ADAMTS10: variants seen among roughly 807,000 people sequenced by gnomAD.
ADAMTS10 encodes the protein A disintegrin and metalloproteinase with thrombospondin motifs 10.
A neutral mutation model predicts 135.9 loss-of-function variants in ADAMTS10; 48 were observed. The ratio of observed to expected loss-of-function variants is 0.35; its 90% CI spans 0.28 to 0.45. The LOEUF is 0.45. Among genes scored for constraint, ADAMTS10 ranks in the 20% least tolerant of loss-of-function variants. The pLI, the probability that ADAMTS10 is intolerant of heterozygous loss-of-function variation, is 1.00. For synonymous variants in ADAMTS10, 621 were observed against 647.5 expected, an observed-to-expected ratio of 0.96 and a Z score of 0.62; for missense variants, 1,131 against 1,565.2, an observed-to-expected ratio of 0.72 and a Z score of 4.68.
At chr19:8,595,302 G>A (rs1444305821) in intron 12 of ADAMTS10, among the ~76,000 whole-genome samples, 6 of 152,154 alleles carry the variant, frequency 3.9e-5, no homozygotes, top group African/African-American at 1.4e-4. Context: ...GGAGAGGTCA[G>A]GAGGCTCAGA....
intron 25 of ADAMTS10, chr19:8,582,668 ATT>A (rs5827005): frequency 0.036 from 5,174 of 142,594 alleles, 253 homozygotes; most frequent in African/African-American, 0.11. Flanking sequence ...CTACAGATGG[ATT>A]TTTTTTTTTT....
chr19:8,587,478 T>C (rs2042453659), intron 18 of ADAMTS10, among the ~76,000 whole-genome samples: 1 of 149,596 alleles, frequency 6.7e-6, no homozygotes, highest in South Asian at 2.1e-4. Context: ...CAGCTTTTTT[T>C]TTTTTTCAGA....
rs782504666 is a variant in ADAMTS10, at chr19:8,589,985, G to A, written c.1804C>T (p.Pro602Ser). ...TCTCTGAAGTCCTGGGAGCCAGGGGGACAGTCCTGGGGGCAGGAGAGGAGA... is the reference window on the plus strand; with the variant it reads ...TCTCTGAAGTCCTGGGAGCCAGGGGAACAGTCCTGGGGGCAGGAGAGGAGA... ...RHRSCNTDDCPPGSQDFREVQ... is the reference protein window; with the variant it reads ...RHRSCNTDDCSPGSQDFREVQ... The change falls in exon 16 of 26, where the codon CCC (proline) becomes TCC (serine). Residue 602 changes from proline (P) to serine (S), a missense_variant. Transcript: ENST00000597188. 3.1e-6 allele frequency: 5 copies of A among 1,612,800 alleles called. No homozygotes were observed. In the Admixed American group the frequency reaches 6.7e-5, roughly 22 times the overall value.
At chr19:8,582,930 G>A (rs1035602786) in intron 25 of ADAMTS10, among the ~76,000 whole-genome samples, 5 of 152,076 alleles carry the variant, frequency 3.3e-5, no homozygotes, top group South Asian at 4.1e-4. Flanking sequence ...GATTACAGGC[G>A]TGAGCCACCA....
chr19:8,589,289 G>A lies in ADAMTS10; in HGVS notation c.2111C>T (p.Ala704Val), dbSNP rs2042484867. Residue 704 changes from alanine (A) to valine (V), a missense_variant, in exon 18 of 26, where the codon GCC (alanine) becomes GTC (valine). By Grantham distance (64) the Ala-to-Val change is moderately conservative (BLOSUM62 0). This residue lies in a region of ADAMTS10 where 745 missense variants were observed against 1,056.3 expected (regional missense o/e 0.71). Coordinates refer to ENST00000597188, the MANE Select transcript of ADAMTS10 (RefSeq NM_030957.4). ...GAAGACGCCCTCGATGGTCTCGCAG[G>A]CACTGCCGTCACCGCCACACACTCG... ...KCRVCGGDGS[A>V]CETIEGVFSP... The A allele has an allele frequency of 3.7e-6, 6 of 1,612,476 alleles. No individual in the cohort carries two copies. Among genetic ancestry groups the A allele is most frequent in the Non-Finnish European group, 5.1e-6 (6 of 1,179,920 alleles).
At chr19:8,581,135 T>A (rs1555735728) in intron 25 of ADAMTS10, 133 bp from the exon 26 acceptor site, 3 of 145,608 alleles carry the variant, frequency 2.1e-5, no homozygotes, top group East Asian at 7.9e-5. Context: ...ATTTACTTTT[T>A]TTTTTTTTTT....
intron 4 of ADAMTS10, 101 bp downstream of exon 4, chr19:8,604,911 C>T (rs2146101834): frequency 2.3e-6 from 3 of 1,313,252 alleles, no homozygotes; most frequent in Non-Finnish European, 1.1e-6. Context: ...ACTTAAAAAA[C>T]ATCCCACTAT....
rs1555742818 is a variant in ADAMTS10, at chr19:8,607,816, C to CT, written c.-100+317dup. ...TTCTGTTGTTGTTCTCTCTCTCTCTCTCTCTTTTTTTTTGAGACGGAGTCT... is the reference window on the plus strand; with the variant it reads ...TTCTGTTGTTGTTCTCTCTCTCTCTCTTCTCTTTTTTTTTGAGACGGAGTCT... On this transcript the variant is annotated intron_variant, in intron 2 of 25. Coordinates refer to ENST00000597188, the MANE Select transcript of ADAMTS10 (RefSeq NM_030957.4). 9.0e-3 allele frequency among the ~76,000 whole-genome samples: 1,259 copies of CT among 139,160 alleles called. 21 individuals carry two copies. The highest frequency in any genetic ancestry group is 0.023 in the African/African-American group (849 of 36,900). 91.3% of individuals were successfully genotyped at this position (139,160 alleles called of 152,430 possible).
rs920390330 is a variant in ADAMTS10 at position 8,605,793 on chromosome 19, G to A, written c.-83C>T. 3.3e-6 allele frequency: 5 copies of A among 1,530,826 alleles called. No homozygotes were observed. Among genetic ancestry groups the A allele is most frequent in the Middle Eastern group, 2.1e-4 (1 of 4,844 alleles). The allele number at this position is 1,530,826 out of a possible 1,614,324, so 94.8% of individuals were successfully genotyped here. ...GCCGCCTCCCCTGTTCACAGCCTTC[G>A]CAGCATCACCGGGCTCCTGGGAGGG... On this transcript the variant is annotated 5_prime_UTR_variant, in exon 3 of 26. The change creates a premature stop within an existing upstream ORF in the 5' untranslated region. Coordinates refer to ENST00000597188, the MANE Select transcript of ADAMTS10 (RefSeq NM_030957.4). This position sits in a 1 kb window ranked among gnomAD's most constrained non-coding sequence, Gnocchi z 7.7.
rs543297669 is a variant in ADAMTS10 at position 8,601,360 on chromosome 19, T to C, written c.593-215A>G. ...GCCAAACACCTCATCGTTTTTCTTA[T>C]TCTTTTTTTTTTTTTTTTTGAGACG... On this transcript the variant is annotated intron_variant, in intron 5 of 25. Coordinates refer to ENST00000597188, the MANE Select transcript of ADAMTS10 (RefSeq NM_030957.4). The surrounding 1 kb of genome is among the most constrained non-coding windows in gnomAD (Gnocchi z 4.6). 2.4e-3 allele frequency among the ~76,000 whole-genome samples: 345 copies of C among 143,000 alleles called. No homozygotes were observed. The highest frequency in any genetic ancestry group is 7.8e-3 in the African/African-American group (287 of 36,808). The allele number at this position is 143,000 out of a possible 152,430, so 93.8% of individuals were successfully genotyped here.
At chr19:8,603,996 TA>T in intron 4 of ADAMTS10, 112 bp from the exon 5 acceptor site, 1 of 1,156,810 alleles carries the variant, frequency 8.6e-7, no homozygotes. Flanking sequence ...TTTATTTTGC[TA>T]TTTCTTTTTT....
At chr19:8,585,756 C>T in intron 22 of ADAMTS10, 96 bp from the exon 23 acceptor site, 1 of 1,278,278 alleles carries the variant, frequency 7.8e-7, no homozygotes, top group Non-Finnish European at 1.1e-6. Context: ...CTTCCAATCA[C>T]CCAGCCTCAT....
chr19:8,594,901 G>C (rs2042584602), intron 12 of ADAMTS10, among the ~76,000 whole-genome samples: 1 of 152,168 alleles, frequency 6.6e-6, no homozygotes, highest in Non-Finnish European at 1.5e-5. Flanking sequence ...GGGTGTCAAG[G>C]GTGGAATGTC....
Position 8,604,865 on chromosome 19 carries a change from T to G in ADAMTS10, c.435+147A>C, listed in dbSNP as rs1017244391. ...TATACATTTTCCTTTAAGTACTGCT[T>G]TAGCTGCATCCCCAAAGCACTGATT... On this transcript the variant is annotated intron_variant, in intron 4 of 25. Transcript: ENST00000597188. The G allele has an allele frequency of 2.5e-5, 22 of 886,342 alleles. No homozygotes were observed. In the Admixed American group the frequency reaches 2.9e-4, roughly 12 times the overall value. The allele number at this position is 886,342 out of a possible 1,614,324, so 54.9% of individuals were successfully genotyped here. A position where few individuals can be genotyped will look rare whatever the true frequency, so the allele number is the denominator to read the frequency against.
rs578073783 is a variant in ADAMTS10, at chr19:8,589,461, G to T, written c.2025C>A (p.Gly675=). The T allele has an allele frequency of 3.1e-6, 5 of 1,608,154 alleles. No homozygotes were observed. In the African/African-American group the frequency reaches 5.5e-5, roughly 18 times the overall value. Residue 675 remains glycine (G), a synonymous_variant, in exon 17 of 26, where the codon GGC becomes GGA. Coordinates refer to ENST00000597188, the MANE Select transcript of ADAMTS10 (RefSeq NM_030957.4). The part of the protein sequence containing the change: ...RPDTVDICVS[G]ECKHVGCDRV... Reference sequence around the variant, plus strand: ...TGGGAGTCCCCTCCACCTTGCATTCGCCACTGACGCAAATGTCCACCGTGT... The same window carrying T: ...TGGGAGTCCCCTCCACCTTGCATTCTCCACTGACGCAAATGTCCACCGTGT...
chr19:8,597,694 G>T (rs185280199), intron 6 of ADAMTS10, among the ~76,000 whole-genome samples: 1 of 152,284 alleles, frequency 6.6e-6, no homozygotes, highest in Admixed American at 6.5e-5. Context: ...AGGCTGCAGT[G>T]CTGCGGTGCA....
chr19:8,600,901 C>T (rs372960718), intron 6 of ADAMTS10, 27 bp downstream of exon 6: 407 of 1,613,094 alleles, frequency 2.5e-4, no homozygotes, highest in Non-Finnish European at 3.1e-4. Context: ...CTCAGGGCTG[C>T]GTGCCCAGGG....
chr19:8,581,129 A>AATTT, intron 25 of ADAMTS10, 127 bp from the exon 26 acceptor site: 7 of 126,892 alleles, frequency 5.5e-5, no homozygotes, highest in Admixed American at 2.3e-4. Context: ...TTTTAAATTT[A>AATTT]CTTTTTTTTT....
At chr19:8,603,241 T>C (rs2042685225) in intron 5 of ADAMTS10, among the ~76,000 whole-genome samples, 1 of 152,206 alleles carries the variant, frequency 6.6e-6, no homozygotes, top group Non-Finnish European at 1.5e-5. Context: ...GTTCGCCGTC[T>C]GAGGATATGT....
Sources: gnomAD v4.1 joint callset for allele counts (sites outside exome capture counted in the v4.1 genomes callset) on GRCh38, gnomAD v4.1.1 for gene constraint, gnomAD v4.1.1 regional missense constraint, Gnocchi (gnomAD v3.1) non-coding constraint, MANE v1.5 for transcripts, NCBI Gene and HGNC (gene_info 2026-07-23, HGNC 2026-07-21) for gene names.